Variants in POLR1D observed in about 807,000 individuals in gnomAD.
The protein encoded by POLR1D is RNA polymerase I and III subunit D.
In POLR1D, 8 loss-of-function variants were observed where a neutral mutation model predicts 10.8. That is an observed-to-expected ratio of 0.74 (90% CI 0.43 to 1.33). The LOEUF (loss-of-function observed/expected upper bound fraction) is 1.33, where lower values mean the gene tolerates loss of function less well. Among genes scored for constraint, POLR1D ranks in the 40% most tolerant of loss-of-function variants. The pLI is 0.01. For synonymous variants in POLR1D, 54 were observed against 57.2 expected, an observed-to-expected ratio of 0.94 and a Z score of 0.25; for missense variants, 152 against 161.7, an observed-to-expected ratio of 0.94 and a Z score of 0.32.
intron 1 of POLR1D, among the ~76,000 whole-genome samples, chr13:27,635,946 G>A (rs1956121591): frequency 6.6e-6 from 1 of 151,994 alleles, no homozygotes; most frequent in South Asian, 2.1e-4. Context: ...ATTTAAAACT[G>A]TAAAGGAAGA....
intron 1 of POLR1D, among the ~76,000 whole-genome samples, chr13:27,642,883 A>G (rs767524677): frequency 1.3e-4 from 20 of 152,140 alleles, no homozygotes; most frequent in African/African-American, 4.8e-4. Flanking sequence ...TTAAAATACC[A>G]CTTTCATCTA....
chr13:27,659,204 C>A (rs1956334941), intron 2 of POLR1D, among the ~76,000 whole-genome samples: 1 of 152,122 alleles, frequency 6.6e-6, no homozygotes, highest in Non-Finnish European at 1.5e-5. Context: ...CACAGGGCAC[C>A]AGCAGGTATG....
chr13:27,650,114 C>G (rs1956252741), intron 2 of POLR1D: 2 of 398,272 alleles, frequency 5.0e-6, no homozygotes, highest in Non-Finnish European at 8.9e-6. Flanking sequence ...CTGTTATCCT[C>G]TGCTCCGTGA....
chr13:27,623,439 T>C lies in POLR1D; in HGVS notation c.*189T>C, dbSNP rs1347195017. 3 of 1,295,908 alleles carry C rather than the reference T, an allele frequency of 2.3e-6. No individual in the cohort carries two copies. Among genetic ancestry groups the C allele is most frequent in the Non-Finnish European group, 2.0e-6 (2 of 992,172 alleles). The allele number at this position is 1,295,908 out of a possible 1,614,324, so 80.3% of individuals were successfully genotyped here. A position where few individuals can be genotyped will look rare whatever the true frequency, so the allele number is the denominator to read the frequency against. ...CTGTATTCTTCTAATAAATTCCCTC[T>C]TTTATTTAAACTAGTTTGACTGGTT... On this transcript the variant is annotated 3_prime_UTR_variant, in exon 2 of 2. Coordinates refer to ENST00000302979, the MANE Select transcript of POLR1D (RefSeq NM_015972.4).
intron 1 of POLR1D, among the ~76,000 whole-genome samples, chr13:27,638,342 G>A (rs1255633681): frequency 6.6e-6 from 1 of 152,304 alleles, no homozygotes; most frequent in East Asian, 1.9e-4. Context: ...AGAATTAGAA[G>A]TATACACATG....
chr13:27,622,185 C>T, intron 1 of POLR1D, 176 bp downstream of exon 1: 1 of 643,562 alleles, frequency 1.6e-6, no homozygotes, highest in South Asian at 1.8e-5. Context: ...GAGAGGTACA[C>T]TAGCTATCAA....
intron 1 of POLR1D, among the ~76,000 whole-genome samples, chr13:27,641,881 C>T (rs879859788): frequency 2.0e-5 from 3 of 152,138 alleles, no homozygotes; most frequent in Admixed American, 1.3e-4. Context: ...GTAGTGTTGG[C>T]AGTTGGTGGG....
chr13:27,645,172 C>T (rs1402710163), intron 1 of POLR1D, among the ~76,000 whole-genome samples: 1 of 152,220 alleles, frequency 6.6e-6, no homozygotes, highest in African/African-American at 2.4e-5. Context: ...AGTGATCAGT[C>T]CTCCTTCATT....
intron 1 of POLR1D, among the ~76,000 whole-genome samples, chr13:27,644,042 T>C (rs569507062): frequency 1.1e-3 from 161 of 152,296 alleles, no homozygotes; most frequent in African/African-American, 3.8e-3. Context: ...GAGACACAAA[T>C]GAGGAAAGCT....
chr13:27,665,487 T>C, intron 2 of POLR1D: 1 of 606,664 alleles, frequency 1.6e-6, no homozygotes, highest in Admixed American at 2.9e-5. Flanking sequence ...GCCAGTCTTG[T>C]CTCAAGAATT....
intron 2 of POLR1D, chr13:27,651,158 A>G (rs981419954): frequency 3.3e-5 from 5 of 152,220 alleles, no homozygotes; most frequent in African/African-American, 4.8e-5. Context: ...TCTAGTTAGA[A>G]CTACTAGTTT....
chr13:27,626,038 A>G (rs574592121), downstream of POLR1D, among the ~76,000 whole-genome samples: 1 of 152,358 alleles, frequency 6.6e-6, no homozygotes, highest in East Asian at 1.9e-4. Context: ...AGGATACAGC[A>G]TATTCTCTTA....
chr13:27,636,471 T>C (rs907351333), intron 1 of POLR1D, among the ~76,000 whole-genome samples: 1 of 152,188 alleles, frequency 6.6e-6, no homozygotes, highest in African/African-American at 2.4e-5. Flanking sequence ...TTCAGGTAAT[T>C]AAAATGAAAG....
At chr13:27,656,476 A>G (rs1274316404) in intron 2 of POLR1D, among the ~76,000 whole-genome samples, 2 of 151,436 alleles carry the variant, frequency 1.3e-5, no homozygotes, top group Non-Finnish European at 2.9e-5. Context: ...ATCTGTAAAC[A>G]GAATGACAAA....
intron 1 of POLR1D, among the ~76,000 whole-genome samples, chr13:27,640,731 C>T (rs887362177): frequency 2.0e-5 from 3 of 152,088 alleles, no homozygotes; most frequent in African/African-American, 4.8e-5. Flanking sequence ...TATTATTTTA[C>T]ATTTTGTTTT....
intron 1 of POLR1D, among the ~76,000 whole-genome samples, chr13:27,637,793 T>TA (rs1314990867): frequency 6.6e-6 from 1 of 150,932 alleles, no homozygotes; most frequent in Non-Finnish European, 1.5e-5. Flanking sequence ...TTTAATACAT[T>TA]AAAAAAAATT....
At chr13:27,620,773 C>G (rs1245232172), upstream of POLR1D, 1 of 153,170 alleles carries the variant, frequency 6.5e-6, no homozygotes, top group African/African-American at 2.4e-5. Flanking sequence ...CTCCCCCACT[C>G]GCCCCGGGCT....
chr13:27,648,850 C>G (rs569754963), intron 2 of POLR1D, among the ~76,000 whole-genome samples: 1 of 152,296 alleles, frequency 6.6e-6, no homozygotes, highest in African/African-American at 2.4e-5. Flanking sequence ...TAACTGTAAG[C>G]ATTTTGATTA....
chr13:27,648,418 G>A (rs187533323), exon 2 of POLR1D: 2 of 1,611,124 alleles, frequency 1.2e-6, no homozygotes, highest in African/African-American at 1.3e-5. Flanking sequence ...CAAAACGTGG[G>A]AAAACTAGAG....
Sources: gnomAD v4.1 joint callset for allele counts (sites outside exome capture counted in the v4.1 genomes callset) on GRCh38, gnomAD v4.1.1 for gene constraint, MANE v1.5 for transcripts, NCBI Gene and HGNC (gene_info 2026-07-23, HGNC 2026-07-21) for gene names.